The following ABHD17B variants were observed in gnomAD, a reference collection of about 807,000 sequenced individuals.
ABHD17B encodes alpha/beta hydrolase domain-containing protein 17B.
A neutral mutation model predicts 26.2 loss-of-function variants in ABHD17B; 9 were observed. That is an observed-to-expected ratio of 0.34 (90% CI 0.21 to 0.60). The LOEUF (loss-of-function observed/expected upper bound fraction) is 0.60. ABHD17B is among the 20% of genes least tolerant of loss of function. The pLI is 0.80. For synonymous variants in ABHD17B, 127 were observed against 122.3 expected (o/e 1.04, Z -0.25); for missense variants, 224 against 352.1 (o/e 0.64, Z 2.91).
At chr9:71,862,695 C>A, downstream of ABHD17B, 2 of 533,690 alleles carry the variant, frequency 3.7e-6, no homozygotes, top group Non-Finnish European at 6.5e-6. Flanking sequence ...TATGAAAAAT[C>A]ACTCTTAAGA....
intron 1 of ABHD17B, among the ~76,000 whole-genome samples, chr9:71,886,764 C>CA (rs972242547): frequency 8.6e-5 from 13 of 152,022 alleles, no homozygotes; most frequent in African/African-American, 3.1e-4. Context: ...TCTGTGAGAT[C>CA]AAAGGGCTCA....
intron 1 of ABHD17B, among the ~76,000 whole-genome samples, chr9:71,877,504 G>A (rs868298485): frequency 3.3e-5 from 5 of 152,198 alleles, no homozygotes; most frequent in East Asian, 1.9e-4. Flanking sequence ...TGCAACCTCC[G>A]CCTCCCACAT....
chr9:71,894,433 C>T (rs926596663), intron 1 of ABHD17B, among the ~76,000 whole-genome samples: 2 of 152,100 alleles, frequency 1.3e-5, no homozygotes. Flanking sequence ...GCAACCTCTG[C>T]CTCCTGGGTT....
intron 1 of ABHD17B, among the ~76,000 whole-genome samples, chr9:71,896,261 T>C (rs764850409): frequency 6.6e-6 from 1 of 152,216 alleles, no homozygotes; most frequent in Non-Finnish European, 1.5e-5. Flanking sequence ...TTCTCAGCTG[T>C]AGATAGGAAT....
chr9:71,903,635 A>G (rs1827205984), intron 1 of ABHD17B, among the ~76,000 whole-genome samples: 1 of 152,232 alleles, frequency 6.6e-6, no homozygotes, highest in Admixed American at 6.5e-5. Context: ...CACTTTCTCA[A>G]TAAATCTGCA....
At chr9:71,901,474 A>G (rs1268793024) in intron 1 of ABHD17B, among the ~76,000 whole-genome samples, 1 of 151,874 alleles carries the variant, frequency 6.6e-6, no homozygotes, top group Non-Finnish European at 1.5e-5. Context: ...TTAACCTTCA[A>G]TCTTGGTTTC....
Position 71,865,905 on chromosome 9 carries a change from A to G in ABHD17B, c.*882T>C. The G allele has an allele frequency of 2.0e-6, 2 of 985,404 alleles. No homozygotes were observed. The highest frequency in any genetic ancestry group is 2.4e-6 in the Non-Finnish European group (2 of 829,904). The allele number at this position is 985,404 out of a possible 1,614,324, so 61.0% of individuals were successfully genotyped here. A position where few individuals can be genotyped will look rare whatever the true frequency, so the allele number is the denominator to read the frequency against. On this transcript the variant is annotated 3_prime_UTR_variant, in exon 4 of 4. Coordinates refer to ENST00000333421, the MANE Select transcript of ABHD17B (RefSeq NM_001025780.3). ...CAAAGTGAAAAGGGATCTGATAGCC[A>G]GTCTGTTAGTGGTCTTTAAGATCAA...
chr9:71,875,164 G>A (rs1826229818), intron 1 of ABHD17B, 81 bp from the exon 2 acceptor site: 1 of 1,106,818 alleles, frequency 9.0e-7, no homozygotes. Flanking sequence ...ACAGACATGG[G>A]TAAATTTTAT....
intron 1 of ABHD17B, among the ~76,000 whole-genome samples, chr9:71,903,171 TCTAA>T (rs1454800186): frequency 4.6e-5 from 7 of 152,172 alleles, no homozygotes; most frequent in Admixed American, 2.0e-4. Flanking sequence ...TGTAAAGGCC[TCTAA>T]CTATTGTCAT....
At chr9:71,871,908 A>G (rs1337398350) in intron 2 of ABHD17B, among the ~76,000 whole-genome samples, 1 of 152,232 alleles carries the variant, frequency 6.6e-6, no homozygotes, top group Non-Finnish European at 1.5e-5. Context: ...GGTCCATCAG[A>G]AGGTCAGAAA....
At chr9:71,908,392 C>CAA (rs371201006) in intron 1 of ABHD17B, among the ~76,000 whole-genome samples, 40 of 39,576 alleles carry the variant, frequency 1.0e-3, no homozygotes, top group South Asian at 1.7e-3. Context: ...AACTCCGTCT[C>CAA]AAAAAAAAAA....
At chr9:71,872,149 T>A (rs540354634) in intron 2 of ABHD17B, among the ~76,000 whole-genome samples, 1 of 152,312 alleles carries the variant, frequency 6.6e-6, no homozygotes, top group Admixed American at 6.5e-5. Flanking sequence ...TAATTCAATC[T>A]CTTCATTAAA....
At chr9:71,871,061 T>C (rs1826097251) in intron 2 of ABHD17B, among the ~76,000 whole-genome samples, 1 of 152,298 alleles carries the variant, frequency 6.6e-6, no homozygotes, top group Non-Finnish European at 1.5e-5. Context: ...TGTAAACTAC[T>C]GCAAGTGTAA....
rs1476199433 is a variant in ABHD17B, at chr9:71,905,145, C to T, written c.-4+5489G>A. On this transcript the variant is annotated intron_variant, in intron 1 of 3. Coordinates refer to ENST00000333421, the MANE Select transcript of ABHD17B (RefSeq NM_001025780.3). ...AAGTTTTTTGTTTTTTTTTTTGAGA[C>T]GGAGTCTCATTGTGTCCCCCAGGCT... Among the ~76,000 whole-genome samples the T allele has an allele frequency of 5.3e-5, 8 of 150,402 alleles. 1 individual carries two copies. The East Asian group carries it at 7.8e-4, about 15-fold the overall frequency.
downstream of ABHD17B, among the ~76,000 whole-genome samples, chr9:71,863,727 C>A (rs1328768468): frequency 6.6e-6 from 1 of 152,160 alleles, no homozygotes; most frequent in Non-Finnish European, 1.5e-5. Context: ...GAGCTTTAAT[C>A]TGGTATTGTG....
chr9:71,898,579 C>T (rs970433849), intron 1 of ABHD17B, among the ~76,000 whole-genome samples: 6 of 152,076 alleles, frequency 3.9e-5, no homozygotes, highest in East Asian at 1.9e-4. Context: ...GCGAAGGCTG[C>T]GGTGAGCCAA....
chr9:71,880,283 C>A (rs1826400705), intron 1 of ABHD17B, among the ~76,000 whole-genome samples: 1 of 151,828 alleles, frequency 6.6e-6, no homozygotes, highest in South Asian at 2.1e-4. Context: ...ACCTTTATCC[C>A]AAAACTTAGA....
downstream of ABHD17B, chr9:71,862,726 T>A (rs1256483614): frequency 1.1e-5 from 7 of 612,118 alleles, no homozygotes; most frequent in Non-Finnish European, 2.1e-5. Flanking sequence ...TATGTCTAAA[T>A]GCAAGAATAC....
In ABHD17B at chr9:71,870,258, C is replaced by A; in HGVS notation, c.472G>T (p.Gly158Cys). ...AAWLALRTRY[G>C]IRPENVIIYG... ...ATAATCACATTTTCAGGGCGAATGC[C>A]ATATCTACAAAGTTCAGGCGTTAAA... Residue 158 changes from glycine to cysteine, a missense_variant, in exon 3 of 4, where the codon GGC becomes TGC. Physicochemically the swap from Gly to Cys is radical, Grantham distance 159 (BLOSUM62 -3). Coordinates refer to ENST00000333421, the MANE Select transcript of ABHD17B (RefSeq NM_001025780.3). 1 of 1,584,902 alleles carries A rather than the reference C, an allele frequency of 6.3e-7. No individual in the cohort carries two copies. The highest frequency in any genetic ancestry group is 1.4e-5 in the African/African-American group (1 of 73,912).
Sources: gnomAD v4.1 joint callset for allele counts (sites outside exome capture counted in the v4.1 genomes callset) on GRCh38, gnomAD v4.1.1 for gene constraint, MANE v1.5 for transcripts, NCBI Gene and HGNC (gene_info 2026-07-23, HGNC 2026-07-21) for gene names.